Variants in LRRC37A2 observed in about 807,000 individuals in gnomAD.
The protein encoded by LRRC37A2 is leucine rich repeat containing 37 member A2.
LRRC37A2 carries 9 observed loss-of-function variants against 68.8 expected under a neutral mutation model. The ratio of observed to expected loss-of-function variants is 0.13; its 90% CI spans 0.08 to 0.23. The LOEUF is 0.23. LRRC37A2 is among the 10% of genes least tolerant of loss of function. The pLI is 1.00. For synonymous variants in LRRC37A2, 63 were observed against 367.6 expected (o/e 0.17, Z 9.48); for missense variants, 168 against 950.4 (o/e 0.18, Z 10.82).
the LRRC37A2 span, among the ~76,000 whole-genome samples, chr17:46,450,432 CA>C: frequency 7.6e-5 from 4 of 52,494 alleles, no homozygotes; most frequent in Admixed American, 7.6e-4. Flanking sequence ...ATTTATGAAC[CA>C]AATCTCAAGT....
At chr17:46,940,727 C>T in the LRRC37A2 span, 3 of 1,593,496 alleles carry the variant, frequency 1.9e-6, no homozygotes, top group Middle Eastern at 1.7e-4. Context: ...CAGTGGTTGG[C>T]TTTGATGAAC....
chr17:47,038,222 C>T, the LRRC37A2 span, among the ~76,000 whole-genome samples: 1 of 152,204 alleles, frequency 6.6e-6, no homozygotes, highest in African/African-American at 2.4e-5. Context: ...AGGAGGATCA[C>T]TTGAGGAGAT....
the LRRC37A2 span, among the ~76,000 whole-genome samples, chr17:46,609,744 C>T: frequency 4.8e-5 from 7 of 145,376 alleles, 1 homozygote; most frequent in Non-Finnish European, 7.6e-5. Context: ...TGTGGCCTTA[C>T]GGATGTAAGT....
the LRRC37A2 span, among the ~76,000 whole-genome samples, chr17:46,914,968 T>C: frequency 6.6e-6 from 1 of 152,248 alleles, no homozygotes; most frequent in South Asian, 2.1e-4. Flanking sequence ...CACTGTTATA[T>C]TTTCATAAGC....
At chr17:46,844,889 C>T in the LRRC37A2 span, among the ~76,000 whole-genome samples, 2 of 151,786 alleles carry the variant, frequency 1.3e-5, no homozygotes, top group Non-Finnish European at 2.9e-5. Flanking sequence ...CTTGTTGCCC[C>T]AGGGCTGGAG....
chr17:46,836,095 CGTGTGTGTGTGTGT>C, the LRRC37A2 span, among the ~76,000 whole-genome samples: 18 of 126,502 alleles, frequency 1.4e-4, no homozygotes, highest in South Asian at 4.4e-3. Flanking sequence ...GAGACGCTGA[CGTGTGTGTGTGTGT>C]GTGTGTGTGT....
chr17:46,883,565 G>C, the LRRC37A2 span, among the ~76,000 whole-genome samples: 3 of 152,194 alleles, frequency 2.0e-5, no homozygotes, highest in Non-Finnish European at 4.4e-5. Flanking sequence ...GATTACAGGC[G>C]TGAGCCACTG....
At chr17:46,845,781 C>T in the LRRC37A2 span, among the ~76,000 whole-genome samples, 2 of 129,864 alleles carry the variant, frequency 1.5e-5, no homozygotes, top group African/African-American at 3.0e-5. Context: ...AGCCACTGTG[C>T]TGGCTTTTTT....
chr17:46,473,900 A>C, the LRRC37A2 span, among the ~76,000 whole-genome samples: 9 of 105,874 alleles, frequency 8.5e-5, no homozygotes, highest in Admixed American at 5.4e-4. Flanking sequence ...CATCTCAAAC[A>C]AACAAACAAA....
the LRRC37A2 span, among the ~76,000 whole-genome samples, chr17:46,984,705 T>C: frequency 6.6e-6 from 1 of 152,246 alleles, no homozygotes; most frequent in Admixed American, 6.5e-5. Flanking sequence ...TAAAAGCTCC[T>C]AATTAGTATC....
the LRRC37A2 span, among the ~76,000 whole-genome samples, chr17:46,392,135 C>T: frequency 9.6e-5 from 6 of 62,704 alleles, 1 homozygote; most frequent in East Asian, 1.9e-3. Context: ...GATGTAAGTC[C>T]GTAAGATCAT....
the LRRC37A2 span, among the ~76,000 whole-genome samples, chr17:46,868,665 G>T: frequency 1.7e-4 from 26 of 152,264 alleles, no homozygotes; most frequent in East Asian, 4.8e-3. Flanking sequence ...ATAAGACTAA[G>T]GAAGCCCACT....
chr17:46,870,047 C>G, the LRRC37A2 span, among the ~76,000 whole-genome samples: 1 of 152,080 alleles, frequency 6.6e-6, no homozygotes, highest in Non-Finnish European at 1.5e-5. Context: ...TATACTGTAG[C>G]TATAATGATA....
At chr17:46,914,980 C>G in the LRRC37A2 span, among the ~76,000 whole-genome samples, 1 of 152,214 alleles carries the variant, frequency 6.6e-6, no homozygotes, top group Non-Finnish European at 1.5e-5. Flanking sequence ...TTCATAAGCC[C>G]TGTACCCTCT....
the LRRC37A2 span, among the ~76,000 whole-genome samples, chr17:46,977,362 G>C: frequency 3.3e-5 from 5 of 152,216 alleles, no homozygotes; most frequent in Non-Finnish European, 7.3e-5. Context: ...TTGGCACTAG[G>C]ACTAAGTGTA....
At chr17:46,915,130 A>G in the LRRC37A2 span, among the ~76,000 whole-genome samples, 1 of 152,236 alleles carries the variant, frequency 6.6e-6, no homozygotes, top group Non-Finnish European at 1.5e-5. Flanking sequence ...CCAGAGGCTC[A>G]GCTGGGCAAT....
the LRRC37A2 span, among the ~76,000 whole-genome samples, chr17:46,751,772 G>A: frequency 6.6e-6 from 1 of 152,144 alleles, no homozygotes; most frequent in African/African-American, 2.4e-5. Context: ...GCCTGCTTCT[G>A]AGATTGATCA....
the LRRC37A2 span, among the ~76,000 whole-genome samples, chr17:46,430,742 TA>T: frequency 1.4e-5 from 1 of 70,352 alleles, no homozygotes; most frequent in African/African-American, 3.7e-5. Context: ...ACATAGACCC[TA>T]AAAAATACTT....
At chr17:46,978,917 C>G in the LRRC37A2 span, 3 of 1,466,242 alleles carry the variant, frequency 2.0e-6, 1 homozygote, top group Non-Finnish European at 8.9e-7. Context: ...GTGCCCAGCC[C>G]GTGGGTGCGG....
Sources: gnomAD v4.1 joint callset for allele counts (sites outside exome capture counted in the v4.1 genomes callset) on GRCh38, gnomAD v4.1.1 for gene constraint, MANE v1.5 for transcripts, NCBI Gene and HGNC (gene_info 2026-07-23, HGNC 2026-07-21) for gene names.